The following SYT3 variants were observed in gnomAD, a reference collection of about 807,000 sequenced individuals.
The protein encoded by SYT3 is synaptotagmin 3.
A neutral mutation model predicts 50.6 loss-of-function variants in SYT3; 25 were observed. That is an observed-to-expected ratio of 0.49 (90% CI 0.36 to 0.69). The LOEUF (loss-of-function observed/expected upper bound fraction) is 0.69. Ranked by LOEUF, SYT3 falls within the 30% of genes least tolerant of loss-of-function variation. The pLI is 0.00. For missense variants in SYT3, 589 were observed against 793.6 expected, an observed-to-expected ratio of 0.74 and a Z score of 3.10; for synonymous variants, 323 against 353.9, an observed-to-expected ratio of 0.91 and a Z score of 0.98.
chr19:50,630,171 C>T lies in SYT3; in HGVS notation c.675G>A (p.Arg225=). The change falls in exon 5 of 11, where the codon AGG becomes AGA. Residue 225 remains arginine, a splice_region_variant and synonymous_variant. Coordinates refer to ENST00000600079, the MANE Select transcript of SYT3 (RefSeq NM_001160329.2). ...TGAGGGGTCGGGGCAGGGCTGGGTA[C>T]CTGTAGGGGGTTGGGGGGAGACCAA... is the stretch of plus-strand genomic sequence containing the variant. ...QQVTSLAPTT[R]YPALPRPLTQ... 6.5e-7 allele frequency: 1 copy of T among 1,534,330 alleles called. No homozygotes were observed. The highest frequency in any genetic ancestry group is 8.8e-7 in the Non-Finnish European group (1 of 1,141,588).
the SYT3 span, among the ~76,000 whole-genome samples, chr19:50,648,930 G>A: frequency 3.3e-5 from 5 of 151,890 alleles, no homozygotes; most frequent in Non-Finnish European, 2.9e-5. Context: ...GTGAGAGGTG[G>A]GAAGACAGAG....
chr19:50,625,681 C>T lies in SYT3; in HGVS notation c.1403-117G>A. The T allele has an allele frequency of 7.1e-7, 1 of 1,406,656 alleles. No individual in the cohort carries two copies. The allele number at this position is 1,406,656 out of a possible 1,614,324, so 87.1% of individuals were successfully genotyped here. On this transcript the variant is annotated intron_variant, in intron 7 of 10. Transcript: ENST00000600079. This position sits in a 1 kb window ranked among gnomAD's most constrained non-coding sequence, Gnocchi z 7.5. The stretch of plus-strand genomic sequence containing the variant: ...CCAGAGGTCCGGGGCCCCAGGCCCC[C>T]AGTCCCTCCTTCCTCAGGCCCAAGA...
chr19:50,649,015 G>T, the SYT3 span, among the ~76,000 whole-genome samples: 920 of 151,392 alleles, frequency 6.1e-3, 9 homozygotes, highest in African/African-American at 0.021. Context: ...AGATGCTGGG[G>T]AAACTGATGG....
the SYT3 span, among the ~76,000 whole-genome samples, chr19:50,647,039 C>T: frequency 6.6e-6 from 1 of 152,042 alleles, no homozygotes; most frequent in Non-Finnish European, 1.5e-5. Flanking sequence ...ACCGTGTTAG[C>T]CAGGATGGTC....
the SYT3 span, chr19:50,656,185 C>CCCTG: frequency 2.0e-6 from 3 of 1,536,112 alleles, no homozygotes; most frequent in Non-Finnish European, 2.6e-6. Context: ...TGGCAGTGAA[C>CCCTG]CCTGACCTCA....
At chr19:50,657,501 T>C in the SYT3 span, among the ~76,000 whole-genome samples, 2 of 152,218 alleles carry the variant, frequency 1.3e-5, no homozygotes, top group South Asian at 4.1e-4. Context: ...CGTTTCTGAA[T>C]GTTAAATAGA....
At position 50,639,275 on chromosome 19, in the gene SYT3, C is replaced by G. The variant is rs1984591423; in HGVS notation, c.-153-113G>C. ...CCGGCCACCCCCTCCCACCTCCGGGCCCCCAGCTCCCGTTGAGGGCTTAGA... is the reference window on the plus strand; with the variant it reads ...CCGGCCACCCCCTCCCACCTCCGGGGCCCCAGCTCCCGTTGAGGGCTTAGA... On this transcript the variant is annotated intron_variant, in intron 1 of 10. Coordinates refer to ENST00000600079, the MANE Select transcript of SYT3 (RefSeq NM_001160329.2). This position sits in a 1 kb window ranked among gnomAD's most constrained non-coding sequence, Gnocchi z 4.6. 1 of 152,188 alleles carries G rather than the reference C, an allele frequency of 6.6e-6. No homozygotes were observed. Among genetic ancestry groups the G allele is most frequent in the African/African-American group, 2.4e-5 (1 of 41,422 alleles). 9.4% of individuals were successfully genotyped at this position (152,188 alleles called of 1,614,324 possible).
At chr19:50,629,220 G>A (rs1030570446) in intron 6 of SYT3, 74 bp downstream of exon 6, 1 of 1,219,566 alleles carries the variant, frequency 8.2e-7, no homozygotes, top group African/African-American at 1.5e-5. Flanking sequence ...TATGAACTCT[G>A]AGGGCAGGGG....
At position 50,637,534 on chromosome 19, in the gene SYT3, A is replaced by G; in HGVS notation, c.-15-108T>C. The stretch of plus-strand genomic sequence containing the variant: ...GAAAGAGACACCGAGAAAAGGAAGG[A>G]TGGGCAAAGGGGACAGAGATTAGGG... On this transcript the variant is annotated intron_variant, in intron 2 of 10. Transcript: ENST00000600079. This position sits in a 1 kb window ranked among gnomAD's most constrained non-coding sequence, Gnocchi z 4.9. 1 of 971,248 alleles carries G rather than the reference A, an allele frequency of 1.0e-6. No homozygotes were observed. Among genetic ancestry groups the G allele is most frequent in the South Asian group, 1.7e-5 (1 of 58,494 alleles). 60.2% of individuals were successfully genotyped at this position (971,248 alleles called of 1,614,324 possible). A position where few individuals can be genotyped will look rare whatever the true frequency, so the allele number is the denominator to read the frequency against.
At position 50,637,945 on chromosome 19, in the gene SYT3, G is replaced by A. The variant is rs17849191; in HGVS notation, c.-15-519C>T. On this transcript the variant is annotated intron_variant, in intron 2 of 10. Coordinates refer to ENST00000600079, the MANE Select transcript of SYT3 (RefSeq NM_001160329.2). The surrounding 1 kb of genome is among the most constrained non-coding windows in gnomAD (Gnocchi z 4.9). ...CAAACATCCATCCAGCACCAACTACGCCCTACGTGCTGTGCTGGTTGCTGC... is the reference window on the plus strand; with the variant it reads ...CAAACATCCATCCAGCACCAACTACACCCTACGTGCTGTGCTGGTTGCTGC... The A allele has an allele frequency of 0.18, 27,370 of 153,330 alleles. 2,535 individuals carry two copies. The highest frequency in any genetic ancestry group is 0.2 in the Non-Finnish European group (13,692 of 68,808). 9.5% of individuals were successfully genotyped at this position (153,330 alleles called of 1,614,324 possible). A position where few individuals can be genotyped will look rare whatever the true frequency, so the allele number is the denominator to read the frequency against.
chr19:50,623,159 C>T (rs1245455378), intron 9 of SYT3, among the ~76,000 whole-genome samples: 2 of 151,636 alleles, frequency 1.3e-5, no homozygotes, highest in Non-Finnish European at 1.5e-5. Flanking sequence ...TGTCAGGACT[C>T]GGCCTAGACT....
the SYT3 span, among the ~76,000 whole-genome samples, chr19:50,653,017 T>G: frequency 5.9e-5 from 9 of 152,180 alleles, no homozygotes; most frequent in African/African-American, 2.2e-4. Context: ...GAGGATGCAA[T>G]GGAAAGTATT....
chr19:50,656,164 C>G, the SYT3 span: 2 of 1,536,136 alleles, frequency 1.3e-6, no homozygotes, highest in Non-Finnish European at 1.7e-6. Context: ...CTTCCGCCTC[C>G]CCAAATGTGA....
chr19:50,649,878 C>G, the SYT3 span: 1 of 465,960 alleles, frequency 2.1e-6, no homozygotes, highest in South Asian at 1.6e-5. Flanking sequence ...TTTCCATTTT[C>G]AAATGGCCCC....
rs1251025949 is a variant in SYT3 at position 50,625,772 on chromosome 19, A to G, written c.1402+125T>C. ...AGGCCCCTGGCCCCTCCTCCCTCAG[A>G]CCCAGGAGTCCAGATCCCCAGCTCC... On this transcript the variant is annotated intron_variant, in intron 7 of 10. Coordinates refer to ENST00000600079, the MANE Select transcript of SYT3 (RefSeq NM_001160329.2). The surrounding 1 kb of genome is among the most constrained non-coding windows in gnomAD (Gnocchi z 7.5). 6 of 416,940 alleles carry G rather than the reference A, an allele frequency of 1.4e-5. 2 individuals carry two copies. Among genetic ancestry groups the G allele is most frequent in the Non-Finnish European group, 2.0e-5 (5 of 253,368 alleles). 25.8% of individuals were successfully genotyped at this position (416,940 alleles called of 1,614,324 possible).
chr19:50,637,009 T>C lies in SYT3; in HGVS notation c.148+255A>G, dbSNP rs1385653642. On this transcript the variant is annotated intron_variant, in intron 3 of 10. Transcript: ENST00000600079. The surrounding 1 kb of genome is among the most constrained non-coding windows in gnomAD (Gnocchi z 4.9). Reference sequence around the variant, plus strand: ...TCAAGAGCCTGACATTTGCACAAGATGCAGAGAGATATCTGAAGGGGGCAT... The same window carrying C: ...TCAAGAGCCTGACATTTGCACAAGACGCAGAGAGATATCTGAAGGGGGCAT... 6.6e-6 allele frequency among the ~76,000 whole-genome samples: 1 copy of C among 152,082 alleles called. No homozygotes were observed. The highest frequency in any genetic ancestry group is 1.5e-5 in the Non-Finnish European group (1 of 68,020).
Position 50,632,145 on chromosome 19 carries a change from G to C in SYT3, c.674+141C>G. 1 of 971,410 alleles carries C rather than the reference G, an allele frequency of 1.0e-6. No individual in the cohort carries two copies. The allele number at this position is 971,410 out of a possible 1,614,324, so 60.2% of individuals were successfully genotyped here. A position where few individuals can be genotyped will look rare whatever the true frequency, so the allele number is the denominator to read the frequency against. ...TCAGATCCAGGAGTCTAGGGCCCCA[G>C]CCTCCTCTTTCCCTAAGATCCAGGA... On this transcript the variant is annotated intron_variant, in intron 4 of 10. Coordinates refer to ENST00000600079, the MANE Select transcript of SYT3 (RefSeq NM_001160329.2). This position sits in a 1 kb window ranked among gnomAD's most constrained non-coding sequence, Gnocchi z 4.7.
At chr19:50,635,447 G>A (rs1312455836) in intron 3 of SYT3, among the ~76,000 whole-genome samples, 1 of 152,182 alleles carries the variant, frequency 6.6e-6, no homozygotes, top group African/African-American at 2.4e-5. Flanking sequence ...GCACAGACTG[G>A]GGAGTTATTT....
Position 50,622,277 on chromosome 19 carries a change from G to A in SYT3, c.*208C>T, listed in dbSNP as rs1157378035. 1.1e-5 allele frequency: 2 copies of A among 174,808 alleles called. No homozygotes were observed. Among genetic ancestry groups the A allele is most frequent in the African/African-American group, 4.8e-5 (2 of 41,808 alleles). The allele number at this position is 174,808 out of a possible 1,614,324, so 10.8% of individuals were successfully genotyped here. ...CCAGGGAAGAAAAGACAGACACAGTGGAGGCTGAATGACCCCCACCCTGAA... is the reference window on the plus strand; with the variant it reads ...CCAGGGAAGAAAAGACAGACACAGTAGAGGCTGAATGACCCCCACCCTGAA... On this transcript the variant is annotated 3_prime_UTR_variant, in exon 11 of 11. Coordinates refer to ENST00000600079, the MANE Select transcript of SYT3 (RefSeq NM_001160329.2).
Sources: allele counts gnomAD v4.1 joint callset (sites outside exome capture counted in the v4.1 genomes callset), GRCh38; gene constraint gnomAD v4.1.1; non-coding constraint Gnocchi (gnomAD v3.1); transcripts MANE v1.5; gene names NCBI Gene and HGNC (gene_info 2026-07-23, HGNC 2026-07-21).